The following PLCB4 variants were observed in gnomAD, a reference collection of about 807,000 sequenced individuals.
PLCB4 encodes the protein 1-phosphatidylinositol 4,5-bisphosphate phosphodiesterase beta-4.
In PLCB4, 77 loss-of-function variants were observed where a neutral mutation model predicts 178.8. The observed-to-expected ratio is 0.43, with a 90% CI of 0.36 to 0.52. PLCB4 has a LOEUF of 0.52. PLCB4 is among the 20% of genes least tolerant of loss of function. The probability of loss-of-function intolerance (pLI) is 0.00; values close to 1 mark genes in which losing one functional copy is unlikely to be tolerated. For synonymous variants in PLCB4, 496 were observed against 490.8 expected, an observed-to-expected ratio of 1.01 and a Z score of -0.14; for missense variants, 1,024 against 1,453.4, an observed-to-expected ratio of 0.70 and a Z score of 4.80.
At chr20:9,413,583 T>G (rs1041213989) in intron 25 of PLCB4, among the ~76,000 whole-genome samples, 6 of 145,574 alleles carry the variant, frequency 4.1e-5, no homozygotes, top group Non-Finnish European at 8.9e-5. Flanking sequence ...GTCGTGAACC[T>G]GGGAGGCAGA....
chr20:9,254,812 T>G, intron 3 of PLCB4, among the ~76,000 whole-genome samples: 1 of 152,238 alleles, frequency 6.6e-6, no homozygotes, highest in East Asian at 1.9e-4. Context: ...GGATGTTTAT[T>G]GCAAATGGTC....
At chr20:9,454,352 C>T (rs2042937994) in intron 33 of PLCB4, among the ~76,000 whole-genome samples, 1 of 152,104 alleles carries the variant, frequency 6.6e-6, no homozygotes, top group African/African-American at 2.4e-5. Flanking sequence ...TACTTTTTTC[C>T]CTTTATAAAT....
intron 3 of PLCB4, among the ~76,000 whole-genome samples, chr20:9,306,647 T>C (rs1174800413): frequency 6.6e-6 from 1 of 152,228 alleles, no homozygotes; most frequent in African/African-American, 2.4e-5. Context: ...TAAGTTTTAC[T>C]TGATGTGTTT....
At chr20:9,220,338 A>G (rs1016492349) in intron 3 of PLCB4, among the ~76,000 whole-genome samples, 7 of 152,324 alleles carry the variant, frequency 4.6e-5, no homozygotes, top group East Asian at 3.9e-4. Context: ...AATTGTTTTA[A>G]TTAAATATTC....
chr20:9,446,071 C>T (rs16995928), intron 32 of PLCB4, among the ~76,000 whole-genome samples: 15,749 of 152,150 alleles, frequency 0.1, 860 homozygotes, highest in Middle Eastern at 0.13. Context: ...GCTAGAATTC[C>T]TGCATGCTCA....
At chr20:9,420,251 G>A (rs2040533928) in intron 26 of PLCB4, among the ~76,000 whole-genome samples, 1 of 152,192 alleles carries the variant, frequency 6.6e-6, no homozygotes, top group Admixed American at 6.5e-5. Flanking sequence ...AACTTCAGGT[G>A]ATGATACAAA....
chr20:9,184,599 C>CAA (rs56964078), intron 2 of PLCB4, among the ~76,000 whole-genome samples: 106 of 118,342 alleles, frequency 9.0e-4, no homozygotes, highest in Non-Finnish European at 1.6e-3. Context: ...CATTGTGCCT[C>CAA]AAAAAAAAAA....
chr20:9,357,376 C>A (rs1194421165), intron 7 of PLCB4, among the ~76,000 whole-genome samples: 2 of 152,076 alleles, frequency 1.3e-5, no homozygotes, highest in Non-Finnish European at 2.9e-5. Context: ...TTGTTCAGCC[C>A]AGGTGGGGTG....
intron 37 of PLCB4, 60 bp from the exon 38 acceptor site, chr20:9,473,219 C>T (rs1407432894): frequency 3.0e-6 from 3 of 1,008,030 alleles, no homozygotes; most frequent in East Asian, 2.6e-5. Flanking sequence ...ATCTCTCATC[C>T]CTGTTTTAAG....
chr20:9,250,555 C>T (rs1279165440), intron 3 of PLCB4, among the ~76,000 whole-genome samples: 1 of 152,202 alleles, frequency 6.6e-6, no homozygotes, highest in Non-Finnish European at 1.5e-5. Context: ...TGTTACACAT[C>T]CAGGAAGTGT....
intron 3 of PLCB4, among the ~76,000 whole-genome samples, chr20:9,222,016 CTATT>C (rs1255463584): frequency 1.3e-5 from 2 of 149,376 alleles, no homozygotes; most frequent in African/African-American, 2.4e-5. Flanking sequence ...TGGGCACCTT[CTATT>C]TATTTATTTT....
chr20:9,453,610 T>C, intron 33 of PLCB4, 148 bp downstream of exon 33: 1 of 591,084 alleles, frequency 1.7e-6, no homozygotes, highest in South Asian at 2.1e-5. Context: ...AAGAAACTCA[T>C]TCATTTTAAA....
intron 3 of PLCB4, among the ~76,000 whole-genome samples, chr20:9,252,647 T>A (rs1162727110): frequency 1.3e-5 from 2 of 152,182 alleles, no homozygotes; most frequent in Non-Finnish European, 2.9e-5. Context: ...AGTAAAATAT[T>A]CTGCATATGT....
At chr20:9,432,006 A>G (rs752217959) in intron 28 of PLCB4, among the ~76,000 whole-genome samples, 3 of 152,204 alleles carry the variant, frequency 2.0e-5, no homozygotes, top group Non-Finnish European at 2.9e-5. Flanking sequence ...TCCTAAATTC[A>G]TCTTTTTATA....
chr20:9,364,309 G>A (rs1470028837), intron 8 of PLCB4, among the ~76,000 whole-genome samples: 1 of 152,160 alleles, frequency 6.6e-6, no homozygotes, highest in Non-Finnish European at 1.5e-5. Flanking sequence ...ATCTCTATCT[G>A]ACATGAGATC....
chr20:9,205,210 C>T (rs2093601559), intron 2 of PLCB4, among the ~76,000 whole-genome samples: 2 of 152,112 alleles, frequency 1.3e-5, no homozygotes, highest in African/African-American at 2.4e-5. Context: ...GGTAAACAAC[C>T]GTGAGATATT....
At chr20:9,359,110 C>T (rs1443259867) in intron 7 of PLCB4, among the ~76,000 whole-genome samples, 16 of 152,126 alleles carry the variant, frequency 1.1e-4, no homozygotes, top group Non-Finnish European at 2.2e-4. Flanking sequence ...AATATATGCT[C>T]AGTGTAAGTT....
At chr20:9,140,167 C>CGGAG (rs2092459283) in intron 2 of PLCB4, among the ~76,000 whole-genome samples, 1 of 152,062 alleles carries the variant, frequency 6.6e-6, no homozygotes, top group South Asian at 2.1e-4. Context: ...GCTGTCTCCT[C>CGGAG]TCTCCCGGTC....
chr20:9,221,424 C>T (rs984089073), intron 3 of PLCB4, among the ~76,000 whole-genome samples: 14 of 152,172 alleles, frequency 9.2e-5, no homozygotes, highest in African/African-American at 3.4e-4. Context: ...AGCAGCAAAG[C>T]ACACAAAAGC....
Sources: allele counts gnomAD v4.1 joint callset (sites outside exome capture counted in the v4.1 genomes callset), GRCh38; gene constraint gnomAD v4.1.1; transcripts MANE v1.5; gene names NCBI Gene and HGNC (gene_info 2026-07-23, HGNC 2026-07-21).